Variants in MAN2A1 observed in about 807,000 individuals in gnomAD.
The protein encoded by MAN2A1 is mannosidase alpha class 2A member 1.
In MAN2A1, 76 loss-of-function variants were observed where a neutral mutation model predicts 142.6. The observed-to-expected ratio is 0.53, with a 90% CI of 0.44 to 0.65. The LOEUF (loss-of-function observed/expected upper bound fraction) is 0.65. Among genes scored for constraint, MAN2A1 ranks in the 30% least tolerant of loss-of-function variants. The pLI is 0.00. For missense variants in MAN2A1, 1,311 were observed against 1,365.1 expected (o/e 0.96, Z 0.62); for synonymous variants, 559 against 473.2 (o/e 1.18, Z -2.35).
At chr5:109,768,485 G>T (rs1329271965) in intron 6 of MAN2A1, among the ~76,000 whole-genome samples, 1 of 152,184 alleles carries the variant, frequency 6.6e-6, no homozygotes, top group African/African-American at 2.4e-5. Flanking sequence ...AGAGAGCAGA[G>T]ATTTGAATGT....
At chr5:109,739,000 G>A (rs556771325) in intron 4 of MAN2A1, among the ~76,000 whole-genome samples, 21 of 151,978 alleles carry the variant, frequency 1.4e-4, no homozygotes, top group East Asian at 1.2e-3. Context: ...ACACCACCAC[G>A]GTGGCTCATT....
At position 109,792,019 on chromosome 5, in the gene MAN2A1, G is replaced by A. The variant is rs577756255; in HGVS notation, c.1943+2492G>A. On this transcript the variant is annotated intron_variant, in intron 12 of 21. Coordinates refer to ENST00000261483, the MANE Select transcript of MAN2A1 (RefSeq NM_002372.4). ...CACACAGTTATGTGAGCTATATCAT[G>A]TGTGGATTCGTAGTTTTTGTGTAGA... is the stretch of plus-strand genomic sequence containing the variant. Among the ~76,000 whole-genome samples the A allele has an allele frequency of 8.5e-5, 13 of 152,194 alleles. No individual in the cohort carries two copies. In the South Asian group the frequency reaches 2.7e-3, roughly 32 times the overall value.
intron 1 of MAN2A1, among the ~76,000 whole-genome samples, chr5:109,712,110 T>A (rs75870844): frequency 5.1e-4 from 77 of 151,664 alleles, no homozygotes; most frequent in African/African-American, 1.6e-3. Context: ...TTTTTTTTTT[T>A]AATTCCAAAA....
At chr5:109,854,959 CT>C in intron 19 of MAN2A1, 180 bp from the exon 20 acceptor site, 1 of 416,066 alleles carries the variant, frequency 2.4e-6, no homozygotes, top group South Asian at 9.0e-5. Flanking sequence ...TGTTTATTTT[CT>C]TTTATTGCTT....
At chr5:109,760,240 G>A (rs1420513618) in intron 5 of MAN2A1, among the ~76,000 whole-genome samples, 1 of 151,996 alleles carries the variant, frequency 6.6e-6, no homozygotes, top group Non-Finnish European at 1.5e-5. Context: ...GCGGTGTTTG[G>A]TTTTCTGTTC....
intron 12 of MAN2A1, among the ~76,000 whole-genome samples, chr5:109,815,988 G>A (rs1278063398): frequency 1.3e-5 from 2 of 152,176 alleles, no homozygotes; most frequent in Non-Finnish European, 2.9e-5. Context: ...AAGACAATAT[G>A]ATGCAAATTG....
intron 1 of MAN2A1, among the ~76,000 whole-genome samples, chr5:109,709,958 A>G (rs779289642): frequency 2.6e-5 from 4 of 152,222 alleles, no homozygotes; most frequent in Non-Finnish European, 5.9e-5. Flanking sequence ...AATGCAGACT[A>G]CAAGTGCATC....
rs371070907 is a variant in MAN2A1, at chr5:109,855,354, T to G, written c.3171+20T>G. ...TCAAAGGTATGTCTCAAAATATATCTTATAAAAAATTACTGTTTATTATGT... is the reference window on the plus strand; with the variant it reads ...TCAAAGGTATGTCTCAAAATATATCGTATAAAAAATTACTGTTTATTATGT... On this transcript the variant is annotated intron_variant, in intron 20 of 21. Coordinates refer to ENST00000261483, the MANE Select transcript of MAN2A1 (RefSeq NM_002372.4). 1.4e-6 allele frequency: 2 copies of G among 1,436,640 alleles called. No homozygotes were observed. Among genetic ancestry groups the G allele is most frequent in the Non-Finnish European group, 1.8e-6 (2 of 1,081,702 alleles). 89.0% of individuals were successfully genotyped at this position (1,436,640 alleles called of 1,614,324 possible).
intron 12 of MAN2A1, among the ~76,000 whole-genome samples, chr5:109,811,211 T>C (rs1379450668): frequency 6.6e-6 from 1 of 152,130 alleles, no homozygotes; most frequent in Non-Finnish European, 1.5e-5. Flanking sequence ...TGTTGACATA[T>C]TGTTTTAATG....
At chr5:109,836,050 A>G (rs1755046314) in intron 16 of MAN2A1, among the ~76,000 whole-genome samples, 1 of 152,010 alleles carries the variant, frequency 6.6e-6, no homozygotes, top group Non-Finnish European at 1.5e-5. Context: ...TATTTCAGGC[A>G]TGGCGTGTGT....
chr5:109,782,767 A>G lies in MAN2A1; in HGVS notation c.1577+1169A>G, dbSNP rs180733032. 1.5e-3 allele frequency among the ~76,000 whole-genome samples: 235 copies of G among 152,064 alleles called. 1 individual carries two copies. The highest frequency in any genetic ancestry group is 5.5e-3 in the African/African-American group (229 of 41,558). On this transcript the variant is annotated intron_variant, in intron 9 of 21. Coordinates refer to ENST00000261483, the MANE Select transcript of MAN2A1 (RefSeq NM_002372.4). ...ATATGCCAGAAAAATGTCTCATTTT[A>G]AAAAATTATTTTCATTATTATAGAT...
chr5:109,766,109 G>C lies in MAN2A1; in HGVS notation c.836-1426G>C, dbSNP rs558835277. ...TTTGTGAATATACATACAGATACCTGTATCTATATTTTTATATTTCCTCAT... is the reference window on the plus strand; with the variant it reads ...TTTGTGAATATACATACAGATACCTCTATCTATATTTTTATATTTCCTCAT... On this transcript the variant is annotated intron_variant, in intron 5 of 21. Coordinates refer to ENST00000261483, the MANE Select transcript of MAN2A1 (RefSeq NM_002372.4). Among the ~76,000 whole-genome samples the C allele has an allele frequency of 5.3e-5, 8 of 152,140 alleles. No homozygotes were observed. In the East Asian group the frequency reaches 9.7e-4, roughly 18 times the overall value.
intron 4 of MAN2A1, among the ~76,000 whole-genome samples, chr5:109,748,876 T>C (rs1404281726): frequency 6.6e-6 from 1 of 151,576 alleles, no homozygotes; most frequent in Admixed American, 6.6e-5. Flanking sequence ...TCTCCTATCA[T>C]TATATAAGGG....
intron 10 of MAN2A1, among the ~76,000 whole-genome samples, chr5:109,788,646 A>G (rs1171246785): frequency 6.6e-6 from 1 of 151,772 alleles, no homozygotes; most frequent in African/African-American, 2.4e-5. Context: ...CCTACTGGAT[A>G]TTATTATTTG....
chr5:109,770,503 C>T lies in MAN2A1; in HGVS notation c.1158C>T (p.Val386=), dbSNP rs967153809. 1.2e-6 allele frequency: 2 copies of T among 1,613,712 alleles called. No individual in the cohort carries two copies. The highest frequency in any genetic ancestry group is 2.7e-5 in the African/African-American group (2 of 75,002). Residue 386 remains valine, a synonymous_variant, in exon 7 of 22, where the codon GTC becomes GTT. Transcript: ENST00000261483. ...GCAGATTTGGTTGTCCCTGGGGAGTCCCCCCAGAAACAATACATCCTGGAA... is the reference window on the plus strand; with the variant it reads ...GCAGATTTGGTTGTCCCTGGGGAGTTCCCCCAGAAACAATACATCCTGGAA... ...PGGRFGCPWG[V]PPETIHPGNV...
At chr5:109,764,608 C>T (rs1440102143) in intron 5 of MAN2A1, among the ~76,000 whole-genome samples, 4 of 152,128 alleles carry the variant, frequency 2.6e-5, no homozygotes, top group Non-Finnish European at 4.4e-5. Flanking sequence ...ATAGTTTACA[C>T]TTTCTCTTTT....
rs546394393 is a variant in MAN2A1, at chr5:109,776,447, G to GAT, written c.1374+1491_1374+1492dup. On this transcript the variant is annotated intron_variant, in intron 8 of 21. Coordinates refer to ENST00000261483, the MANE Select transcript of MAN2A1 (RefSeq NM_002372.4). ...ACATGAATATGTGATCAGAGGAAGG[G>GAT]ATATATATATGAGTATCTTATCTGT... is the stretch of plus-strand genomic sequence containing the variant. 1.9e-3 allele frequency among the ~76,000 whole-genome samples: 294 copies of GAT among 152,054 alleles called. 2 individuals are homozygous for GAT. The highest frequency in any genetic ancestry group is 6.7e-3 in the African/African-American group (276 of 41,490).
rs140878340 is a variant in MAN2A1, at chr5:109,774,214, G to T, written c.1197-574G>T. On this transcript the variant is annotated intron_variant, in intron 7 of 21. Transcript: ENST00000261483. ...AGATTATTGGTGGCAGGTGACAAGT[G>T]TGTGGATTTTTTTTTCTTTAGAAGA... Among the ~76,000 whole-genome samples the T allele has an allele frequency of 7.9e-5, 12 of 152,250 alleles. No homozygotes were observed. The East Asian group carries it at 2.3e-3, about 29-fold the overall frequency.
chr5:109,690,366 G>A lies in MAN2A1; in HGVS notation c.-52G>A, dbSNP rs1750629091. On this transcript the variant is annotated 5_prime_UTR_variant, in exon 1 of 22. Coordinates refer to ENST00000261483, the MANE Select transcript of MAN2A1 (RefSeq NM_002372.4). ...GGCTGCTTCCTAGAGTCCACAGTGC[G>A]CTGTCTCCTTTGGCTGAGGAGAGTG... 1.2e-6 allele frequency: 2 copies of A among 1,603,440 alleles called. No homozygotes were observed. Among genetic ancestry groups the A allele is most frequent in the Non-Finnish European group, 1.7e-6 (2 of 1,170,610 alleles).
Sources: gnomAD v4.1 joint callset for allele counts (sites outside exome capture counted in the v4.1 genomes callset) on GRCh38, gnomAD v4.1.1 for gene constraint, MANE v1.5 for transcripts, NCBI Gene and HGNC (gene_info 2026-07-23, HGNC 2026-07-21) for gene names.